VSIG1: variants seen among roughly 807,000 people sequenced by gnomAD.
VSIG1 encodes V-set and immunoglobulin domain-containing protein 1.
A neutral mutation model predicts 20.1 loss-of-function variants in VSIG1; 11 were observed. The observed-to-expected ratio is 0.55, with a 90% CI of 0.34 to 0.91. The LOEUF is 0.91. Among genes scored for constraint, VSIG1 ranks in the 40% least tolerant of loss-of-function variants. The pLI, the probability that VSIG1 is intolerant of heterozygous loss-of-function variation, is 0.02. For synonymous variants in VSIG1, 126 were observed against 116.7 expected, an observed-to-expected ratio of 1.08 and a Z score of -0.52; for missense variants, 283 against 298.8, an observed-to-expected ratio of 0.95 and a Z score of 0.39.
At chrX:108,071,892 C>CAAAAAAAAAAAAAAAAAAAAA (rs1203449181) in intron 3 of VSIG1, among the ~76,000 whole-genome samples, 2 of 36,398 alleles carry the variant, frequency 5.5e-5, no homozygotes, top group African/African-American at 8.4e-5. Flanking sequence ...TGAACAAATG[C>CAAAAAAAAAAAAAAAAAAAAA]AAAAAAAAAA....
chrX:108,056,805 C>T (rs768126765), intron 1 of VSIG1, among the ~76,000 whole-genome samples: 1 of 112,180 alleles, frequency 8.9e-6, no homozygotes, highest in South Asian at 3.7e-4. Flanking sequence ...TATAAAGGTA[C>T]AGTCATTCTG....
At chrX:108,024,458 C>T in the VSIG1 span, among the ~76,000 whole-genome samples, 14 of 107,710 alleles carry the variant, frequency 1.3e-4, no homozygotes, top group African/African-American at 4.7e-4. Flanking sequence ...GTGCTTTAAT[C>T]TTTATTATTC....
chrX:108,041,553 CGTGTGTGTGTGTGT>C (rs371173365), upstream of VSIG1, among the ~76,000 whole-genome samples: 7 of 99,987 alleles, frequency 7.0e-5, no homozygotes, highest in Middle Eastern at 4.5e-3. Context: ...TAAAAAACCT[CGTGTGTGTGTGTGT>C]GTGTGTGTGT....
chrX:108,023,258 T>C, the VSIG1 span, among the ~76,000 whole-genome samples: 38,906 of 110,762 alleles, frequency 0.35, 5,406 homozygotes, highest in Non-Finnish European at 0.42. Context: ...TAATATGGTG[T>C]ATTACATTAA....
At chrX:108,041,424 C>A, upstream of VSIG1, among the ~76,000 whole-genome samples, 1 of 111,535 alleles carries the variant, frequency 9.0e-6, no homozygotes, top group Middle Eastern at 4.6e-3. Flanking sequence ...TTAACATGGA[C>A]AAGGTTGATC....
the VSIG1 span, among the ~76,000 whole-genome samples, chrX:108,025,147 T>C: frequency 1.8e-5 from 2 of 111,940 alleles, no homozygotes; most frequent in African/African-American, 6.5e-5. Context: ...GAGGAATTTA[T>C]GTTTATAATT....
At chrX:108,045,519 T>C (rs777299552) in intron 1 of VSIG1, among the ~76,000 whole-genome samples, 1 of 113,039 alleles carries the variant, frequency 8.8e-6, no homozygotes, top group East Asian at 2.8e-4. Context: ...CTGTTTTACT[T>C]ACTTTAGTGT....
At chrX:108,050,010 T>A (rs807175) in intron 1 of VSIG1, among the ~76,000 whole-genome samples, 55,373 of 110,942 alleles carry the variant, frequency 0.5, 10,794 homozygotes, top group African/African-American at 0.69. Flanking sequence ...TGCTGCATTT[T>A]TGTTTGCATT....
In VSIG1 at chrX:108,077,061, A is replaced by G; in HGVS notation, c.844A>G (p.Ile282Val). Residue 282 changes from isoleucine (I) to valine (V), a missense_variant, in exon 7 of 7, where the codon ATA (isoleucine) becomes GTA (valine). Physicochemically the swap from Ile to Val is conservative, Grantham distance 29. Transcript: ENST00000217957. ...TCTTTCTTGCAGGCCAATGACAAAG[A>G]TAAACCCAAGGGGAGAAAGCGAAGC... ...TIAELEPMTKINPRGESEAMP... is the reference protein window; with the variant it reads ...TIAELEPMTKVNPRGESEAMP... 1 of 1,206,569 alleles carries G rather than the reference A, an allele frequency of 8.3e-7. No individual in the cohort carries two copies. Among genetic ancestry groups the G allele is most frequent in the African/African-American group, 1.7e-5 (1 of 57,591 alleles).
chrX:108,065,437 G>T (rs2031108199), intron 2 of VSIG1, among the ~76,000 whole-genome samples: 1 of 111,674 alleles, frequency 9.0e-6, no homozygotes, highest in Admixed American at 9.5e-5. Flanking sequence ...TGAAAAATTA[G>T]TCTCACCAGA....
chrX:108,020,484 A>G, the VSIG1 span, among the ~76,000 whole-genome samples: 1 of 111,643 alleles, frequency 9.0e-6, no homozygotes, highest in Non-Finnish European at 1.9e-5. Flanking sequence ...AAATATCATC[A>G]TCTAATTAGG....
intron 1 of VSIG1, among the ~76,000 whole-genome samples, chrX:108,057,379 G>A (rs1054801579): frequency 8.9e-6 from 1 of 112,004 alleles, no homozygotes; most frequent in Non-Finnish European, 1.9e-5. Flanking sequence ...AAATGTGCAT[G>A]TGCACACACA....
At chrX:108,058,004 T>C (rs1053448351) in intron 1 of VSIG1, 34 bp from the exon 2 acceptor site, 5 of 1,170,865 alleles carry the variant, frequency 4.3e-6, no homozygotes, top group East Asian at 6.0e-5. Flanking sequence ...AATTTGAGTA[T>C]GTACTATTGA....
At chrX:108,060,418 G>A (rs186635190) in intron 2 of VSIG1, among the ~76,000 whole-genome samples, 18 of 110,667 alleles carry the variant, frequency 1.6e-4, no homozygotes, top group African/African-American at 5.9e-4. Context: ...CCCACAGCTT[G>A]GGAGCAATAA....
chrX:108,024,621 A>G, the VSIG1 span, among the ~76,000 whole-genome samples: 9 of 109,900 alleles, frequency 8.2e-5, no homozygotes, highest in African/African-American at 2.6e-4. Context: ...TTTCTGCTGC[A>G]TCCCACAAGT....
At chrX:108,053,196 A>G (rs1276990998) in intron 1 of VSIG1, among the ~76,000 whole-genome samples, 1 of 112,663 alleles carries the variant, frequency 8.9e-6, no homozygotes, top group Non-Finnish European at 1.9e-5. Flanking sequence ...GCAATCAGGA[A>G]GGATGAAAGG....
intron 1 of VSIG1, among the ~76,000 whole-genome samples, chrX:108,049,871 T>TG (rs1410106020): frequency 8.9e-6 from 1 of 111,821 alleles, no homozygotes; most frequent in African/African-American, 3.3e-5. Context: ...CTTTCTCCAG[T>TG]GAAGTTTTTG....
chrX:108,071,076 T>G (rs765199163), intron 3 of VSIG1, among the ~76,000 whole-genome samples: 39 of 111,749 alleles, frequency 3.5e-4, no homozygotes, highest in Non-Finnish European at 5.1e-4. Context: ...ATGAGTCAGC[T>G]GAGGTTTGGC....
intron 2 of VSIG1, chrX:108,064,743 G>C: frequency 1.3e-6 from 1 of 753,964 alleles, no homozygotes; most frequent in East Asian, 1.5e-4. Flanking sequence ...GCCAGATGTT[G>C]AGGCTGTGAA....
Sources: gnomAD v4.1 joint callset for allele counts (sites outside exome capture counted in the v4.1 genomes callset) on GRCh38, gnomAD v4.1.1 for gene constraint, MANE v1.5 for transcripts, NCBI Gene and HGNC (gene_info 2026-07-23, HGNC 2026-07-21) for gene names.